The following TERT variants were observed in gnomAD, a reference collection of about 807,000 sequenced individuals.
The protein encoded by TERT is telomerase catalytic subunit.
Under a neutral mutation model 104.0 loss-of-function variants are expected in TERT, and 42 were observed. The observed-to-expected ratio is 0.40, with a 90% CI of 0.32 to 0.52. The LOEUF (loss-of-function observed/expected upper bound fraction) is 0.52, where lower values mean the gene tolerates loss of function less well. Ranked by LOEUF, TERT falls within the 20% of genes least tolerant of loss-of-function variation. The probability of loss-of-function intolerance (pLI) is 0.43; values close to 1 mark genes in which losing one functional copy is unlikely to be tolerated. For missense variants in TERT, 1,101 were observed against 1,610.3 expected, an observed-to-expected ratio of 0.68 and a Z score of 5.41; for synonymous variants, 781 against 725.6, an observed-to-expected ratio of 1.08 and a Z score of -1.23.
In TERT at chr5:1,256,885, G is replaced by A. The variant is rs974081554; in HGVS notation, c.3033-1474C>T. Among the ~76,000 whole-genome samples, 1 of 152,148 alleles carries A rather than the reference G, an allele frequency of 6.6e-6. No individual in the cohort carries two copies. The highest frequency in any genetic ancestry group is 1.5e-5 in the Non-Finnish European group (1 of 68,034). On this transcript the variant is annotated intron_variant, in intron 13 of 15. Transcript: ENST00000310581. This position sits in a 1 kb window ranked among gnomAD's most constrained non-coding sequence, Gnocchi z 7.0. ...GTCCACCCCAAGCCCGTGTGGAGGCGCGGCCAGCACGGGCCAGGAAGGCCG... is the reference window on the plus strand; with the variant it reads ...GTCCACCCCAAGCCCGTGTGGAGGCACGGCCAGCACGGGCCAGGAAGGCCG...
At position 1,286,314 on chromosome 5, in the gene TERT, G is replaced by A. The variant is rs1750481271; in HGVS notation, c.1574-3690C>T. Among the ~76,000 whole-genome samples, 2 of 152,336 alleles carry A rather than the reference G, an allele frequency of 1.3e-5. No individual in the cohort carries two copies. Among genetic ancestry groups the A allele is most frequent in the East Asian group, 1.9e-4 (1 of 5,186 alleles). On this transcript the variant is annotated intron_variant, in intron 2 of 15. Transcript: ENST00000310581. This position sits in a 1 kb window ranked among gnomAD's most constrained non-coding sequence, Gnocchi z 5.3. ...TAACAAGACAGAAGAACCACGCAAA[G>A]GACAAGGAAGGGGACCCCAGACGGC... is the stretch of plus-strand genomic sequence containing the variant.
chr5:1,294,913 G>A lies in TERT; in HGVS notation c.77C>T (p.Thr26Met), dbSNP rs760727529. The A allele has an allele frequency of 1.5e-5, 21 of 1,429,826 alleles. No individual in the cohort carries two copies. In the South Asian group the frequency reaches 2.0e-4, roughly 14 times the overall value. 88.6% of individuals were successfully genotyped at this position (1,429,826 alleles called of 1,614,324 possible). A position where few individuals can be genotyped will look rare whatever the true frequency, so the allele number is the denominator to read the frequency against. ...CTGGGGCCCCAGGCGCCGCACGAAC[G>A]TGGCCAGCGGCAGCACCTCGCGGTA... Reference protein sequence around the residue: ...SHYREVLPLATFVRRLGPQGW... With the variant: ...SHYREVLPLAMFVRRLGPQGW... The change falls in exon 1 of 16, where the codon ACG becomes ATG. Residue 26 changes from threonine to methionine, a missense_variant. By Grantham distance (81) the Thr-to-Met change is moderately conservative (BLOSUM62 -1). Transcript: ENST00000310581.
rs1415241888 is a variant in TERT at position 1,293,799 on chromosome 5, T to C, written c.1087A>G (p.Thr363Ala). Residue 363 changes from threonine (T) to alanine (A), a missense_variant, in exon 2 of 16, where the codon ACC (threonine) becomes GCC (alanine). This residue lies in a region of TERT where 504 missense variants were observed against 544.6 expected (regional missense o/e 0.93). Transcript: ENST00000310581. ...SLTGARRLVE[T>A]IFLGSRPWMP... ...CAGGGCCTGGAACCCAGAAAGATGGTCTCCACGAGCCTCCGAGCGCCAGTC... is the reference window on the plus strand; with the variant it reads ...CAGGGCCTGGAACCCAGAAAGATGGCCTCCACGAGCCTCCGAGCGCCAGTC... 6.4e-7 allele frequency: 1 copy of C among 1,551,594 alleles called. No individual in the cohort carries two copies. Among genetic ancestry groups the C allele is most frequent in the East Asian group, 2.4e-5 (1 of 41,100 alleles).
chr5:1,260,685 G>A, intron 11 of TERT, 85 bp from the exon 12 acceptor site: 1 of 1,584,738 alleles, frequency 6.3e-7, no homozygotes, highest in Non-Finnish European at 8.6e-7. Context: ...AGAGCCTCCT[G>A]CCTTCCTCCC....
At position 1,269,552 on chromosome 5, in the gene TERT, A is replaced by G. The variant is rs1748873514; in HGVS notation, c.2469-919T>C. 6.6e-6 allele frequency among the ~76,000 whole-genome samples: 1 copy of G among 151,904 alleles called. No individual in the cohort carries two copies. The highest frequency in any genetic ancestry group is 6.6e-5 in the Admixed American group (1 of 15,246). On this transcript the variant is annotated intron_variant, in intron 8 of 15. Coordinates refer to ENST00000310581, the MANE Select transcript of TERT (RefSeq NM_198253.3). The surrounding 1 kb of genome is among the most constrained non-coding windows in gnomAD (Gnocchi z 9.0). ...CTGGAACCCGGGAGGCGGAGGTTGC[A>G]GTGAGTTGAGATCGCGCCACTGCAC... is the stretch of plus-strand genomic sequence containing the variant.
chr5:1,280,456 C>T (rs1041944386), intron 3 of TERT, 118 bp from the exon 4 acceptor site: 6 of 1,159,322 alleles, frequency 5.2e-6, no homozygotes, highest in East Asian at 2.6e-5. Context: ...CACGGCAGCA[C>T]ACGCTGAAGG....
intron 12 of TERT, 91 bp from the exon 13 acceptor site, chr5:1,258,750 CAAGA>C (rs1278688843): frequency 2.8e-6 from 3 of 1,076,478 alleles, no homozygotes; most frequent in Non-Finnish European, 4.2e-6. Context: ...TCAGATGGAA[CAAGA>C]AAGAGGAACA....
chr5:1,270,774 T>C lies in TERT; in HGVS notation c.2468+345A>G, dbSNP rs1239266881. Among the ~76,000 whole-genome samples the C allele has an allele frequency of 1.3e-5, 2 of 152,148 alleles. No individual in the cohort carries two copies. The highest frequency in any genetic ancestry group is 4.8e-5 in the African/African-American group (2 of 41,446). ...GTGAGAGCCGGGTGTCCAGCGTCAG[T>C]AGTAACTTGGAGCTGACAAGCTGCA... On this transcript the variant is annotated intron_variant, in intron 8 of 15. Transcript: ENST00000310581. The surrounding 1 kb of genome is among the most constrained non-coding windows in gnomAD (Gnocchi z 8.3).
rs1037906363 is a variant in TERT, at chr5:1,274,045, T to A, written c.2287-1765A>T. On this transcript the variant is annotated intron_variant, in intron 6 of 15. Coordinates refer to ENST00000310581, the MANE Select transcript of TERT (RefSeq NM_198253.3). The surrounding 1 kb of genome is among the most constrained non-coding windows in gnomAD (Gnocchi z 5.3). ...CTACGGGACCTGCTAAGCCCCTGCG[T>A]CCCCAAGACAGGATGTGAGCAGGCA... Among the ~76,000 whole-genome samples, 2 of 152,116 alleles carry A rather than the reference T, an allele frequency of 1.3e-5. No homozygotes were observed. The highest frequency in any genetic ancestry group is 4.8e-5 in the African/African-American group (2 of 41,428).
rs112456096 is a variant in TERT, at chr5:1,261,637, G to A, written c.2844-1037C>T. ...TCACGTGCGTTTCTTTGAGGGATGG[G>A]TCTCGCTGTCAGTTTCACATGCATT... On this transcript the variant is annotated intron_variant, in intron 11 of 15. Coordinates refer to ENST00000310581, the MANE Select transcript of TERT (RefSeq NM_198253.3). The surrounding 1 kb of genome is among the most constrained non-coding windows in gnomAD (Gnocchi z 7.4). Among the ~76,000 whole-genome samples, 37 of 152,314 alleles carry A rather than the reference G, an allele frequency of 2.4e-4. No homozygotes were observed. The highest frequency in any genetic ancestry group is 8.7e-4 in the African/African-American group (36 of 41,560).
intron 6 of TERT, among the ~76,000 whole-genome samples, chr5:1,275,572 G>A (rs575492120): frequency 1.1e-4 from 16 of 152,046 alleles, no homozygotes; most frequent in Admixed American, 3.3e-4. Flanking sequence ...GGGAGCCCAG[G>A]GGAGGCCTCC....
chr5:1,280,449 G>A lies in TERT; in HGVS notation c.1770-111C>T, dbSNP rs905549941. Reference sequence around the variant, plus strand: ...CTCAGTGAGGGCTCAGGGCACCCACGGCAGCACACGCTGAAGGCCATGCCC... The same window carrying A: ...CTCAGTGAGGGCTCAGGGCACCCACAGCAGCACACGCTGAAGGCCATGCCC... On this transcript the variant is annotated intron_variant, in intron 3 of 15. Transcript: ENST00000310581. 5.6e-5 allele frequency: 68 copies of A among 1,204,060 alleles called. 2 individuals are homozygous for A. In the South Asian group the frequency reaches 5.7e-4, roughly 10 times the overall value. 74.6% of individuals were successfully genotyped at this position (1,204,060 alleles called of 1,614,324 possible). A position where few individuals can be genotyped will look rare whatever the true frequency, so the allele number is the denominator to read the frequency against.
intron 7 of TERT, 75 bp downstream of exon 7, chr5:1,272,110 A>G: frequency 8.2e-7 from 1 of 1,226,362 alleles, no homozygotes; most frequent in Non-Finnish European, 1.2e-6. Flanking sequence ...CTGTCCGGTC[A>G]TGAGCCCAGT....
chr5:1,271,564 G>A (rs1749037659), intron 7 of TERT, among the ~76,000 whole-genome samples: 1 of 151,596 alleles, frequency 6.6e-6, no homozygotes, highest in African/African-American at 2.4e-5. Context: ...CACCCTGGGA[G>A]CCAAGGAAAT....
rs1427781873 is a variant in TERT, at chr5:1,270,798, C to T, written c.2468+321G>A. ...GTAGTAACTTGGAGCTGACAAGCTGCAGGCTCAAACGCTCGGCGCACACCT... is the reference window on the plus strand; with the variant it reads ...GTAGTAACTTGGAGCTGACAAGCTGTAGGCTCAAACGCTCGGCGCACACCT... On this transcript the variant is annotated intron_variant, in intron 8 of 15. Transcript: ENST00000310581. The surrounding 1 kb of genome is among the most constrained non-coding windows in gnomAD (Gnocchi z 8.3). 1.3e-5 allele frequency among the ~76,000 whole-genome samples: 2 copies of T among 152,250 alleles called. No individual in the cohort carries two copies. Among genetic ancestry groups the T allele is most frequent in the Admixed American group, 6.5e-5 (1 of 15,294 alleles).
chr5:1,267,920 A>G (rs556204073), intron 9 of TERT, among the ~76,000 whole-genome samples: 9 of 152,278 alleles, frequency 5.9e-5, no homozygotes, highest in African/African-American at 1.4e-4. Flanking sequence ...CCAACATGGC[A>G]CATGTATACA....
intron 7 of TERT, among the ~76,000 whole-genome samples, 198 bp downstream of exon 7, chr5:1,271,987 A>G (rs1358072943): frequency 6.6e-6 from 1 of 152,276 alleles, no homozygotes; most frequent in African/African-American, 2.4e-5. Flanking sequence ...CAGGTGCCTG[A>G]ATGCAGCAGC....
chr5:1,256,229 G>A lies in TERT; in HGVS notation c.3033-818C>T, dbSNP rs1441935729. Reference sequence around the variant, plus strand: ...GGGTTCTACTATGTTGCTCAGGCTGGTCTTAAACTCCTGGGCTCAAGGGAT... The same window carrying A: ...GGGTTCTACTATGTTGCTCAGGCTGATCTTAAACTCCTGGGCTCAAGGGAT... On this transcript the variant is annotated intron_variant, in intron 13 of 15. Coordinates refer to ENST00000310581, the MANE Select transcript of TERT (RefSeq NM_198253.3). This position sits in a 1 kb window ranked among gnomAD's most constrained non-coding sequence, Gnocchi z 7.0. Among the ~76,000 whole-genome samples, 1 of 152,026 alleles carries A rather than the reference G, an allele frequency of 6.6e-6. No individual in the cohort carries two copies. Among genetic ancestry groups the A allele is most frequent in the Non-Finnish European group, 1.5e-5 (1 of 67,990 alleles).
intron 6 of TERT, among the ~76,000 whole-genome samples, chr5:1,277,077 C>G (rs1749649883): frequency 6.6e-6 from 1 of 152,188 alleles, no homozygotes; most frequent in South Asian, 2.1e-4. Context: ...CGCAAGAGCC[C>G]CGGGGCGGCC....
Sources: allele counts gnomAD v4.1 joint callset (sites outside exome capture counted in the v4.1 genomes callset), GRCh38; gene constraint gnomAD v4.1.1; regional missense constraint gnomAD v4.1.1; non-coding constraint Gnocchi (gnomAD v3.1); transcripts MANE v1.5; gene names NCBI Gene and HGNC (gene_info 2026-07-23, HGNC 2026-07-21).